WDFY4: variants seen among roughly 807,000 people sequenced by gnomAD.
WDFY4 encodes the protein WD repeat- and FYVE domain-containing protein 4.
A neutral mutation model predicts 351.9 loss-of-function variants in WDFY4; 169 were observed. The observed-to-expected ratio is 0.48, with a 90% CI of 0.42 to 0.55. WDFY4 has a LOEUF of 0.55. WDFY4 is among the 20% of genes least tolerant of loss of function. WDFY4 has a pLI of 0.00. For missense variants in WDFY4, 3,803 were observed against 3,935.6 expected (o/e 0.97, Z 0.90); for synonymous variants, 1,622 against 1,574.6 (o/e 1.03, Z -0.71).
At position 48,877,503 on chromosome 10, in the gene WDFY4, T is replaced by G. The variant is rs78736829; in HGVS notation, c.7167+304T>G. The stretch of plus-strand genomic sequence containing the variant: ...TTCATAACAACCTGAAAGGCAAGTT[T>G]CAAGTTGAGAATTCTTGATCTTCTG... On this transcript the variant is annotated intron_variant, in intron 43 of 61. Transcript: ENST00000325239. Among the ~76,000 whole-genome samples, 768 of 152,326 alleles carry G rather than the reference T, an allele frequency of 5.0e-3. 15 individuals are homozygous for G. The highest frequency in any genetic ancestry group is 0.018 in the African/African-American group (740 of 41,570).
chr10:48,960,746 G>C lies in WDFY4; in HGVS notation c.8223+933G>C, dbSNP rs534350334. Among the ~76,000 whole-genome samples, 12 of 152,298 alleles carry C rather than the reference G, an allele frequency of 7.9e-5. No individual in the cohort carries two copies. In the South Asian group the frequency reaches 2.5e-3, roughly 32 times the overall value. ...TGCTACTCAGCAGTAAAAAGGAGCA[G>C]ATTTACTGAATCAGTTTACACAGAA... On this transcript the variant is annotated intron_variant, in intron 53 of 61. Transcript: ENST00000325239.
In WDFY4 at chr10:48,774,662, G is replaced by A. The variant is rs1589574992; in HGVS notation, c.2758G>A (p.Asp920Asn). ...GCTCGCTTCCCAGGCCATTGAACCG[G>A]ATGTGCTAAGGTACCACATGCTGCA... Reference protein sequence around the residue: ...EKLASQAIEPDVLRQFLGLGI... With the variant: ...EKLASQAIEPNVLRQFLGLGI... The change falls in exon 14 of 62, where the codon GAT (aspartate) becomes AAT (asparagine). Residue 920 changes from aspartate to asparagine, a missense_variant. Physicochemically the swap from Asp to Asn is conservative, Grantham distance 23. Coordinates refer to ENST00000325239, the MANE Select transcript of WDFY4 (RefSeq NM_001394531.1). 1 of 1,551,722 alleles carries A rather than the reference G, an allele frequency of 6.4e-7. No homozygotes were observed. Among genetic ancestry groups the A allele is most frequent in the South Asian group, 1.2e-5 (1 of 84,062 alleles).
At chr10:48,823,703 G>T (rs972990674) in intron 35 of WDFY4, 4 of 994,176 alleles carry the variant, frequency 4.0e-6, no homozygotes, top group African/African-American at 1.7e-5. Context: ...CTAAAGCATG[G>T]ACTCCCAGCT....
At chr10:48,778,481 G>A in intron 17 of WDFY4, 130 bp from the exon 18 acceptor site, 2 of 897,384 alleles carry the variant, frequency 2.2e-6, no homozygotes, top group South Asian at 1.6e-5. Flanking sequence ...ATGGGGAGGA[G>A]ACAACTGGTG....
intron 47 of WDFY4, among the ~76,000 whole-genome samples, chr10:48,938,161 A>G (rs1840511251): frequency 6.6e-6 from 1 of 152,116 alleles, no homozygotes; most frequent in Admixed American, 6.5e-5. Flanking sequence ...TCACTAACCC[A>G]TTTTACCATG....
At position 48,790,893 on chromosome 10, in the gene WDFY4, G is replaced by T. The variant is rs902896450; in HGVS notation, c.4233G>T (p.Leu1411=). 2.1e-5 allele frequency: 32 copies of T among 1,551,630 alleles called. No individual in the cohort carries two copies. Among genetic ancestry groups the T allele is most frequent in the Non-Finnish European group, 2.7e-5 (31 of 1,147,016 alleles). The change falls in exon 23 of 62, where the codon CTG becomes CTT. Residue 1411 remains leucine, a synonymous_variant. Coordinates refer to ENST00000325239, the MANE Select transcript of WDFY4 (RefSeq NM_001394531.1). ...VLTSNAMCDF[L]MQHICGYQIM... The stretch of plus-strand genomic sequence containing the variant: ...CCAGTAATGCCATGTGTGACTTCCT[G>T]ATGCAACACATCTGTGGGTACCAGG...
Position 48,828,774 on chromosome 10 carries a change from C to A in WDFY4, c.6222-4C>A. The A allele has an allele frequency of 1.3e-6, 2 of 1,511,544 alleles. No homozygotes were observed. The highest frequency in any genetic ancestry group is 1.2e-5 in the South Asian group (1 of 80,692). The allele number at this position is 1,511,544 out of a possible 1,614,324, so 93.6% of individuals were successfully genotyped here. A position where few individuals can be genotyped will look rare whatever the true frequency, so the allele number is the denominator to read the frequency against. Reference sequence around the variant, plus strand: ...ATTTTAGTGAAAAATCTCTTATCCACTAGTTACCCAGAAGGATTTGGATTG... The same window carrying A: ...ATTTTAGTGAAAAATCTCTTATCCAATAGTTACCCAGAAGGATTTGGATTG... On this transcript the variant is annotated splice_region_variant and splice_polypyrimidine_tract_variant and intron_variant, in intron 36 of 61. Coordinates refer to ENST00000325239, the MANE Select transcript of WDFY4 (RefSeq NM_001394531.1).
In WDFY4 at chr10:48,709,760, G is replaced by C. The variant is rs1236956785; in HGVS notation, c.28G>C (p.Glu10Gln). The change falls in exon 2 of 62, where the codon GAA (glutamate) becomes CAA (glutamine). Residue 10 changes from glutamate to glutamine, a missense_variant. Physicochemically the swap from Glu to Gln is conservative, Grantham distance 29. Around this residue, in one of 3 missense-constraint regions of WDFY4, gnomAD observed 488 missense variants for 456.8 expected, o/e 1.07. Transcript: ENST00000325239. MEAEDLSKA[E>Q]DRNEDPGSKN... is the part of the protein sequence containing the mutation. ...GGAGGCAGAAGATCTTTCAAAGGCT[G>C]AAGACAGAAATGAAGACCCAGGTTC... The C allele has an allele frequency of 4.5e-6, 7 of 1,552,054 alleles. No homozygotes were observed. Among genetic ancestry groups the C allele is most frequent in the Non-Finnish European group, 6.1e-6 (7 of 1,147,070 alleles).
intron 57 of WDFY4, among the ~76,000 whole-genome samples, chr10:48,974,502 C>CAAAAAAAAAAAAAAAAAAAAAAAAAAAA (rs553826473): frequency 9.6e-5 from 1 of 10,394 alleles, no homozygotes; most frequent in African/African-American, 3.2e-4. Flanking sequence ...GACTCCGTCT[C>CAAAAAAAAAAAAAAAAAAAAAAAAAAAA]AAAAAAAAAA....
rs1842866869 is a variant in WDFY4, at chr10:48,982,922, CT to C, written c.*350del. 1 of 361,972 alleles carries C rather than the reference CT, an allele frequency of 2.8e-6. No homozygotes were observed. The highest frequency in any genetic ancestry group is 7.1e-5 in the East Asian group (1 of 14,112). 22.4% of individuals were successfully genotyped at this position (361,972 alleles called of 1,614,324 possible). ...CGCTTACTGGAAATTATTGTATTGT[CT>C]TTATTTTATTAAAGCAACTATGTTT... On this transcript the variant is annotated 3_prime_UTR_variant, in exon 62 of 62. Transcript: ENST00000325239.
Position 48,709,915 on chromosome 10 carries a change from C to A in WDFY4, c.183C>A (p.Ser61Arg). 3.2e-6 allele frequency: 5 copies of A among 1,552,192 alleles called. No individual in the cohort carries two copies. Among genetic ancestry groups the A allele is most frequent in the Non-Finnish European group, 4.4e-6 (5 of 1,147,102 alleles). ...AATACCAGCAGTTGACTCACAAGAGCCCCATTGAGCGTCAGAAGAGCCTGT... is the reference window on the plus strand; with the variant it reads ...AATACCAGCAGTTGACTCACAAGAGACCCATTGAGCGTCAGAAGAGCCTGT... The part of the protein sequence containing the change: ...FLEYQQLTHK[S>R]PIERQKSLLS... Residue 61 changes from serine (S) to arginine (R), a missense_variant, in exon 2 of 62, where the codon AGC (serine) becomes AGA (arginine). Around this residue, in one of 3 missense-constraint regions of WDFY4, gnomAD observed 488 missense variants for 456.8 expected, o/e 1.07. Transcript: ENST00000325239.
chr10:48,742,122 CAAGT>C (rs1044046043), intron 11 of WDFY4, among the ~76,000 whole-genome samples: 8 of 151,978 alleles, frequency 5.3e-5, no homozygotes, highest in Non-Finnish European at 1.0e-4. Context: ...GCACTGGGCC[CAAGT>C]AAGTAAGTGC....
intron 25 of WDFY4, 80 bp downstream of exon 25, chr10:48,803,439 GCT>G (rs1182720335): frequency 7.5e-7 from 1 of 1,341,812 alleles, no homozygotes; most frequent in East Asian, 2.5e-5. Flanking sequence ...GTGGCCAGTG[GCT>G]CTTCCCTGCT....
rs1021807283 is a variant in WDFY4 at position 48,873,492 on chromosome 10, G to A, written c.6743G>A (p.Arg2248Lys). The A allele has an allele frequency of 7.8e-6, 12 of 1,547,532 alleles. No individual in the cohort carries two copies. Among genetic ancestry groups the A allele is most frequent in the Non-Finnish European group, 1.0e-5 (12 of 1,145,026 alleles). The change falls in exon 41 of 62, where the codon AGG becomes AAG. Residue 2248 changes from arginine to lysine, a missense_variant and splice_region_variant. Arg to Lys is a conservative substitution (Grantham distance 26, BLOSUM62 2). Transcript: ENST00000325239. ...GGTGACTCTGTTTCTGCTCCCCAGA[G>A]GCGAAAATGTGGCAACATCAAGGCA... ...YASLYKDHVQ[R>K]RKCGNIKAAN...
chr10:48,706,066 G>T (rs1374512793), intron 1 of WDFY4, among the ~76,000 whole-genome samples: 2 of 152,220 alleles, frequency 1.3e-5, no homozygotes, highest in Non-Finnish European at 2.9e-5. Context: ...GGCTTTCAGA[G>T]TCCTGGGGAA....
chr10:48,933,894 C>A (rs1840187047), intron 47 of WDFY4, among the ~76,000 whole-genome samples: 1 of 152,088 alleles, frequency 6.6e-6, no homozygotes, highest in Non-Finnish European at 1.5e-5. Flanking sequence ...ACCCTTGATA[C>A]TGGGTAACAG....
intron 23 of WDFY4, among the ~76,000 whole-genome samples, chr10:48,793,600 C>G (rs2066753403): frequency 6.6e-6 from 1 of 152,132 alleles, no homozygotes; most frequent in African/African-American, 2.4e-5. Context: ...CCTGCATGTG[C>G]ATTTGCGTGA....
chr10:48,741,125 A>G (rs1277117958), intron 11 of WDFY4, among the ~76,000 whole-genome samples: 3 of 128,244 alleles, frequency 2.3e-5, no homozygotes, highest in Non-Finnish European at 5.2e-5. Flanking sequence ...TTCATCTTTG[A>G]AAGAATCCTC....
chr10:48,931,258 T>C (rs1839985703), intron 47 of WDFY4, among the ~76,000 whole-genome samples: 1 of 152,194 alleles, frequency 6.6e-6, no homozygotes, highest in Non-Finnish European at 1.5e-5. Flanking sequence ...GACACAGGAA[T>C]TGGGCAGCAG....
Sources: allele counts gnomAD v4.1 joint callset (sites outside exome capture counted in the v4.1 genomes callset), GRCh38; gene constraint gnomAD v4.1.1; regional missense constraint gnomAD v4.1.1; transcripts MANE v1.5; gene names NCBI Gene and HGNC (gene_info 2026-07-23, HGNC 2026-07-21).